CREBBP: variants seen among roughly 807,000 people sequenced by gnomAD.
CREBBP encodes the protein CREB-binding protein.
Under a neutral mutation model 265.0 loss-of-function variants are expected in CREBBP, and 19 were observed. The observed-to-expected ratio is 0.07, with a 90% CI of 0.05 to 0.11. CREBBP has a LOEUF of 0.11. Ranked by LOEUF, CREBBP falls within the 10% of genes least tolerant of loss-of-function variation. The pLI is 1.00. For synonymous variants in CREBBP, 1,457 were observed against 1,223.7 expected, an observed-to-expected ratio of 1.19 and a Z score of -3.98; for missense variants, 2,525 against 3,219.0, an observed-to-expected ratio of 0.78 and a Z score of 5.22.
intron 2 of CREBBP, among the ~76,000 whole-genome samples, chr16:3,816,616 GA>G (rs923157390): frequency 6.6e-6 from 1 of 152,172 alleles, no homozygotes; most frequent in Non-Finnish European, 1.5e-5. Context: ...AAAGAGGAGG[GA>G]AAAGGCAGAC....
At position 3,827,063 on chromosome 16, in the gene CREBBP, G is replaced by A. The variant is rs7199516; in HGVS notation, c.799-16284C>T. Among the ~76,000 whole-genome samples the A allele has an allele frequency of 5.9e-3, 902 of 152,236 alleles. 8 individuals carry two copies. Among genetic ancestry groups the A allele is most frequent in the African/African-American group, 0.021 (853 of 41,546 alleles). ...TCATCTACTGAGAAAGTTGAGGCTT[G>A]AGGATCGCTTAAACCCAGGAATTCA... is the stretch of plus-strand genomic sequence containing the variant. On this transcript the variant is annotated intron_variant, in intron 2 of 30. Coordinates refer to ENST00000262367, the MANE Select transcript of CREBBP (RefSeq NM_004380.3).
At chr16:3,797,977 A>G (rs762878815) in intron 3 of CREBBP, among the ~76,000 whole-genome samples, 1 of 152,204 alleles carries the variant, frequency 6.6e-6, no homozygotes, top group African/African-American at 2.4e-5. Context: ...CTATCCCACT[A>G]AAAAATTGGG....
chr16:3,852,205 C>A (rs1024974463), intron 1 of CREBBP, among the ~76,000 whole-genome samples: 1 of 115,156 alleles, frequency 8.7e-6, no homozygotes, highest in African/African-American at 3.3e-5. Flanking sequence ...CGCTCTGCGG[C>A]CCAGGCTGGA....
intron 11 of CREBBP, among the ~76,000 whole-genome samples, chr16:3,777,163 G>A (rs1429054493): frequency 1.3e-5 from 2 of 151,402 alleles, no homozygotes; most frequent in Non-Finnish European, 2.9e-5. Context: ...GTGAAACCCC[G>A]TCTCTATTAA....
intron 16 of CREBBP, among the ~76,000 whole-genome samples, chr16:3,761,866 T>C (rs557159443): frequency 1.3e-5 from 2 of 152,330 alleles, no homozygotes; most frequent in East Asian, 3.9e-4. Context: ...GAGAAAACAA[T>C]TATGTAACAA....
intron 1 of CREBBP, among the ~76,000 whole-genome samples, chr16:3,854,169 C>T (rs1368155026): frequency 1.3e-5 from 2 of 152,142 alleles, no homozygotes; most frequent in African/African-American, 4.8e-5. Flanking sequence ...CCCACCACCA[C>T]GATCACGTTC....
intron 3 of CREBBP, among the ~76,000 whole-genome samples, chr16:3,800,616 G>T (rs1024908276): frequency 5.9e-5 from 9 of 152,152 alleles, no homozygotes; most frequent in African/African-American, 2.2e-4. Context: ...GCAAAGGTGG[G>T]AGAACTGCTG....
chr16:3,775,853 G>A (rs9932381), intron 11 of CREBBP, among the ~76,000 whole-genome samples: 1,938 of 151,886 alleles, frequency 0.013, 55 homozygotes, highest in African/African-American at 0.044. Flanking sequence ...TGAAGTCCTG[G>A]ACCAATCCCC....
At chr16:3,793,251 A>C (rs780062987) in intron 4 of CREBBP, 135 bp downstream of exon 4, 779 of 1,216,470 alleles carry the variant, frequency 6.4e-4, no homozygotes, top group Non-Finnish European at 8.7e-4. Flanking sequence ...ACGTGAGCGC[A>C]ACATGTCTTG....
At chr16:3,801,585 G>T (rs548428162) in intron 3 of CREBBP, among the ~76,000 whole-genome samples, 1 of 152,212 alleles carries the variant, frequency 6.6e-6, no homozygotes, top group East Asian at 1.9e-4. Flanking sequence ...CAAAAGAATC[G>T]CTTGAACCCA....
At chr16:3,804,855 T>C (rs2053797031) in intron 3 of CREBBP, among the ~76,000 whole-genome samples, 2 of 152,266 alleles carry the variant, frequency 1.3e-5, no homozygotes, top group African/African-American at 2.4e-5. Context: ...CTAGGAGGTT[T>C]TGCTGAAGAA....
At chr16:3,787,801 G>A (rs1018475465) in intron 5 of CREBBP, among the ~76,000 whole-genome samples, 5 of 151,982 alleles carry the variant, frequency 3.3e-5, no homozygotes, top group East Asian at 1.9e-4. Context: ...TCAGGATACC[G>A]AGTAGCTGGG....
intron 28 of CREBBP, among the ~76,000 whole-genome samples, chr16:3,733,905 G>T (rs926934189): frequency 3.9e-5 from 6 of 152,274 alleles, no homozygotes; most frequent in African/African-American, 1.4e-4. Flanking sequence ...GCCTCTCAAA[G>T]TGCTGGGATT....
At chr16:3,756,890 A>G (rs2052598413) in intron 19 of CREBBP, among the ~76,000 whole-genome samples, 1 of 152,232 alleles carries the variant, frequency 6.6e-6, no homozygotes, top group South Asian at 2.1e-4. Context: ...GCAGGGCTGA[A>G]GAAATAACGT....
chr16:3,831,702 A>G (rs572364353), intron 2 of CREBBP, among the ~76,000 whole-genome samples: 1 of 152,328 alleles, frequency 6.6e-6, no homozygotes, highest in South Asian at 2.1e-4. Flanking sequence ...CCAAATTAAG[A>G]AAAGAGTACA....
intron 2 of CREBBP, among the ~76,000 whole-genome samples, chr16:3,812,732 C>A (rs115518161): frequency 6.6e-6 from 1 of 152,134 alleles, no homozygotes; most frequent in Non-Finnish European, 1.5e-5. Flanking sequence ...GGAGAAACAA[C>A]GACTAATTAA....
At chr16:3,757,721 T>G in intron 18 of CREBBP, 88 bp downstream of exon 18, 1 of 1,562,672 alleles carries the variant, frequency 6.4e-7, no homozygotes, top group Non-Finnish European at 8.7e-7. Context: ...GCACTCCCAG[T>G]ATACAGGCGT....
intron 2 of CREBBP, among the ~76,000 whole-genome samples, chr16:3,821,844 A>G (rs1481664979): frequency 6.6e-6 from 1 of 152,212 alleles, no homozygotes; most frequent in African/African-American, 2.4e-5. Flanking sequence ...CGCCTGGCCA[A>G]TATGGTGAAA....
chr16:3,785,012 T>C (rs895828411), intron 5 of CREBBP, among the ~76,000 whole-genome samples: 1 of 152,228 alleles, frequency 6.6e-6, no homozygotes, highest in Non-Finnish European at 1.5e-5. Flanking sequence ...AGGAAATTAA[T>C]TATGAACAAA....
Sources: allele counts gnomAD v4.1 joint callset (sites outside exome capture counted in the v4.1 genomes callset), GRCh38; gene constraint gnomAD v4.1.1; transcripts MANE v1.5; gene names NCBI Gene and HGNC (gene_info 2026-07-23, HGNC 2026-07-21).